UIMC1: variants seen among roughly 807,000 people sequenced by gnomAD.
The protein encoded by UIMC1 is ubiquitin interaction motif containing 1, also known as BRCA1-A complex subunit RAP80.
Under a neutral mutation model 84.9 loss-of-function variants are expected in UIMC1, and 42 were observed. That is an observed-to-expected ratio of 0.49 (90% CI 0.39 to 0.64). The LOEUF (loss-of-function observed/expected upper bound fraction) is 0.64. Ranked by LOEUF, UIMC1 falls within the 30% of genes least tolerant of loss-of-function variation. The pLI is 0.00. For synonymous variants in UIMC1, 281 were observed against 293.0 expected (o/e 0.96, Z 0.42); for missense variants, 825 against 847.6 (o/e 0.97, Z 0.33).
intron 11 of UIMC1, 149 bp downstream of exon 11, chr5:176,911,160 GAA>G: frequency 3.7e-6 from 1 of 271,036 alleles, no homozygotes. Context: ...GAAAAGAAAA[GAA>G]AAGAAAAGAA....
chr5:177,018,212 G>A (rs894311962), intron 1 of UIMC1, among the ~76,000 whole-genome samples: 12 of 152,014 alleles, frequency 7.9e-5, no homozygotes, highest in African/African-American at 2.9e-4. Context: ...TTAGCTTGGT[G>A]TGGTGGTGCA....
At chr5:176,910,515 G>A (rs1759990855) in intron 11 of UIMC1, among the ~76,000 whole-genome samples, 3 of 152,172 alleles carry the variant, frequency 2.0e-5, no homozygotes, top group South Asian at 4.1e-4. Flanking sequence ...ATAATTAATT[G>A]AGAATTGTGA....
At chr5:176,995,475 A>C (rs1581689005) in intron 1 of UIMC1, among the ~76,000 whole-genome samples, 1 of 142,774 alleles carries the variant, frequency 7.0e-6, no homozygotes, top group East Asian at 2.1e-4. Flanking sequence ...AATTGCTTGA[A>C]CTCAGGAGCC....
rs573961984 is a variant in UIMC1 at position 176,955,812 on chromosome 5, C to T, written c.1339+147G>A. 5.6e-4 allele frequency: 342 copies of T among 610,908 alleles called. 2 individuals carry two copies. Among genetic ancestry groups the T allele is most frequent in the African/African-American group, 5.6e-3 (298 of 53,410 alleles). 37.8% of individuals were successfully genotyped at this position (610,908 alleles called of 1,614,324 possible). A position where few individuals can be genotyped will look rare whatever the true frequency, so the allele number is the denominator to read the frequency against. On this transcript the variant is annotated intron_variant, in intron 8 of 14. Coordinates refer to ENST00000511320, the MANE Select transcript of UIMC1 (RefSeq NM_001199298.2). ...CATTAAAAACACCTATATGTGTATA[C>T]GCATACGAGTGTTGAGACATGTACA...
At chr5:176,906,133 A>T in intron 13 of UIMC1, 86 bp from the exon 14 acceptor site, 1 of 1,304,264 alleles carries the variant, frequency 7.7e-7, no homozygotes, top group Non-Finnish European at 1.1e-6. Context: ...TCCGTGCTCT[A>T]GGCACTGCTT....
chr5:176,968,991 C>T lies in UIMC1; in HGVS notation c.764G>A (p.Arg255Lys), dbSNP rs781135749. 1 of 1,614,222 alleles carries T rather than the reference C, an allele frequency of 6.2e-7. No individual in the cohort carries two copies. The highest frequency in any genetic ancestry group is 8.5e-7 in the Non-Finnish European group (1 of 1,180,044). The change falls in exon 6 of 15, where the codon AGG becomes AAG. Residue 255 changes from arginine (R) to lysine (K), a missense_variant. Coordinates refer to ENST00000511320, the MANE Select transcript of UIMC1 (RefSeq NM_001199298.2). The stretch of plus-strand genomic sequence containing the variant: ...ATCTGCTAGGGTAGGTAGACAGTGC[C>T]TAGATGTGTCCCCGCTACCCTGGAC... Reference protein sequence around the residue: ...KAVQGSGDTSRHCLPTLADAK... With the variant: ...KAVQGSGDTSKHCLPTLADAK...
At chr5:176,985,000 TC>T (rs1434778442) in intron 1 of UIMC1, among the ~76,000 whole-genome samples, 1 of 152,108 alleles carries the variant, frequency 6.6e-6, no homozygotes, top group African/African-American at 2.4e-5. Context: ...AGACCTTTGT[TC>T]ATGTGTTTAT....
intron 10 of UIMC1, among the ~76,000 whole-genome samples, chr5:176,935,571 T>C (rs995796956): frequency 1.3e-5 from 2 of 152,186 alleles, no homozygotes; most frequent in African/African-American, 4.8e-5. Flanking sequence ...CAATTGTCAA[T>C]ATCTCAGTAG....
intron 1 of UIMC1, among the ~76,000 whole-genome samples, chr5:177,015,241 G>A (rs1329288675): frequency 6.6e-6 from 1 of 152,168 alleles, no homozygotes; most frequent in Non-Finnish European, 1.5e-5. Context: ...TTTACAGATG[G>A]AGAAGCAGCC....
At chr5:176,967,706 C>T (rs753435972) in intron 6 of UIMC1, among the ~76,000 whole-genome samples, 4 of 151,908 alleles carry the variant, frequency 2.6e-5, no homozygotes, top group Non-Finnish European at 5.9e-5. Flanking sequence ...AGTTCGAGAC[C>T]AGCCTGGGCA....
chr5:176,906,965 G>C, intron 13 of UIMC1, 149 bp downstream of exon 13: 1 of 689,264 alleles, frequency 1.5e-6, no homozygotes, highest in Admixed American at 2.9e-5. Flanking sequence ...TCCTTAAGGA[G>C]AGATGACCTA....
intron 2 of UIMC1, among the ~76,000 whole-genome samples, chr5:176,977,223 C>CAAAAAAAA (rs1016279747): frequency 2.8e-5 from 2 of 71,638 alleles, no homozygotes; most frequent in African/African-American, 8.3e-5. Flanking sequence ...GATTCTGTCT[C>CAAAAAAAA]AAAAAAAAAA....
intron 14 of UIMC1, 94 bp downstream of exon 14, chr5:176,905,917 C>G (rs1465649148): frequency 4.6e-6 from 6 of 1,317,970 alleles, no homozygotes; most frequent in Middle Eastern, 1.8e-4. Context: ...TCTACTGCAA[C>G]AGTCTGAGTA....
intron 9 of UIMC1, among the ~76,000 whole-genome samples, chr5:176,949,145 T>C (rs1355202342): frequency 1.3e-5 from 2 of 152,060 alleles, no homozygotes; most frequent in African/African-American, 4.8e-5. Flanking sequence ...ATACTTTAAG[T>C]TTTAGGGTAC....
At chr5:176,952,939 C>G (rs753808203) in intron 8 of UIMC1, among the ~76,000 whole-genome samples, 5 of 152,138 alleles carry the variant, frequency 3.3e-5, no homozygotes, top group South Asian at 2.1e-4. Flanking sequence ...TTGTGTACCC[C>G]CCGAACTTCG....
At chr5:176,910,819 A>G (rs1239635700) in intron 11 of UIMC1, among the ~76,000 whole-genome samples, 1 of 152,208 alleles carries the variant, frequency 6.6e-6, no homozygotes, top group Admixed American at 6.5e-5. Flanking sequence ...GGCTGGGCAC[A>G]GTGGCTCACG....
chr5:176,958,246 C>G, intron 6 of UIMC1, 92 bp from the exon 7 acceptor site: 1 of 1,023,888 alleles, frequency 9.8e-7, no homozygotes, highest in Non-Finnish European at 1.4e-6. Context: ...TCAATGTTCT[C>G]CCTCAACAAT....
chr5:176,976,688 A>AT (rs1201118329), intron 2 of UIMC1, among the ~76,000 whole-genome samples: 2 of 152,274 alleles, frequency 1.3e-5, no homozygotes, highest in Admixed American at 1.3e-4. Flanking sequence ...GGCCACATAT[A>AT]TTGTATAATT....
intron 11 of UIMC1, among the ~76,000 whole-genome samples, chr5:176,909,688 T>C (rs1759863875): frequency 6.6e-6 from 1 of 152,198 alleles, no homozygotes; most frequent in Non-Finnish European, 1.5e-5. Context: ...AATAAGTCTC[T>C]CAAATACTTA....
Sources: gnomAD v4.1 joint callset for allele counts (sites outside exome capture counted in the v4.1 genomes callset) on GRCh38, gnomAD v4.1.1 for gene constraint, MANE v1.5 for transcripts, NCBI Gene and HGNC (gene_info 2026-07-23, HGNC 2026-07-21) for gene names.